GLUD1: variants seen among roughly 807,000 people sequenced by gnomAD.
GLUD1 encodes glutamate dehydrogenase 1, mitochondrial.
Under a neutral mutation model 56.0 loss-of-function variants are expected in GLUD1, and 22 were observed. That is an observed-to-expected ratio of 0.39 (90% CI 0.28 to 0.56). The LOEUF (loss-of-function observed/expected upper bound fraction) is 0.56, where lower values mean the gene tolerates loss of function less well. GLUD1 is among the 20% of genes least tolerant of loss of function. The probability of loss-of-function intolerance (pLI) is 0.58; values close to 1 mark genes in which losing one functional copy is unlikely to be tolerated. For synonymous variants in GLUD1, 223 were observed against 269.9 expected (o/e 0.83, Z 1.70); for missense variants, 451 against 732.0 (o/e 0.62, Z 4.43).
intron 9 of GLUD1, among the ~76,000 whole-genome samples, chr10:87,059,789 C>T (rs949529172): frequency 6.6e-6 from 1 of 152,150 alleles, no homozygotes; most frequent in African/African-American, 2.4e-5. Flanking sequence ...AACCTGAGCA[C>T]GTGTTCCTCA....
At chr10:87,055,808 A>T (rs1273845498) in intron 11 of GLUD1, among the ~76,000 whole-genome samples, 3 of 152,152 alleles carry the variant, frequency 2.0e-5, no homozygotes, top group Non-Finnish European at 2.9e-5. Flanking sequence ...TCCATCACTG[A>T]ATATTTCATA....
At chr10:87,085,324 C>T (rs1314034777) in intron 1 of GLUD1, among the ~76,000 whole-genome samples, 7 of 132,558 alleles carry the variant, frequency 5.3e-5, no homozygotes, top group Non-Finnish European at 9.2e-5. Context: ...TCAGCCTGGG[C>T]GACAGAGAGT....
intron 12 of GLUD1, among the ~76,000 whole-genome samples, chr10:87,052,078 G>T (rs1041588300): frequency 2.6e-5 from 4 of 152,200 alleles, no homozygotes; most frequent in Non-Finnish European, 5.9e-5. Context: ...GGCTGGGTGC[G>T]GTGGCTCACG....
intron 12 of GLUD1, among the ~76,000 whole-genome samples, chr10:87,053,034 A>G (rs1229301059): frequency 6.6e-6 from 1 of 152,208 alleles, no homozygotes; most frequent in Non-Finnish European, 1.5e-5. Flanking sequence ...TCCCGTAGCT[A>G]TAACATAGTG....
chr10:87,064,730 C>T (rs951243089), intron 5 of GLUD1, among the ~76,000 whole-genome samples: 6 of 152,188 alleles, frequency 3.9e-5, no homozygotes, highest in Admixed American at 3.9e-4. Context: ...GTAGTTTTCC[C>T]ACAGTTTGCT....
intron 11 of GLUD1, among the ~76,000 whole-genome samples, chr10:87,056,882 T>A (rs943944545): frequency 5.9e-5 from 9 of 152,174 alleles, no homozygotes; most frequent in African/African-American, 1.7e-4. Context: ...AGGTTAAATT[T>A]TTCCCCCAGG....
At position 87,051,876 on chromosome 10, in the gene GLUD1, A is replaced by G. The variant is rs1845639734; in HGVS notation, c.1558-6T>C. ...ATGGCTGTGCGCATAATTTGCTGAA[A>G]TGAAAGAGAAAATGCAGTGAAGATG... On this transcript the variant is annotated splice_region_variant and splice_polypyrimidine_tract_variant and intron_variant, in intron 12 of 12. Coordinates refer to ENST00000277865, the MANE Select transcript of GLUD1 (RefSeq NM_005271.5). 3 of 1,614,166 alleles carry G rather than the reference A, an allele frequency of 1.9e-6. No individual in the cohort carries two copies. The highest frequency in any genetic ancestry group is 4.5e-5 in the East Asian group (2 of 44,878).
intron 10 of GLUD1, 30 bp downstream of exon 10, chr10:87,059,120 G>A: frequency 1.2e-6 from 2 of 1,611,750 alleles, no homozygotes; most frequent in Non-Finnish European, 1.7e-6. Context: ...CAAAAGATGA[G>A]TTTTGGCGAA....
In GLUD1 at chr10:87,060,771, A is replaced by G. The variant is rs1365971538; in HGVS notation, c.1114T>C (p.Leu372=). The change falls in exon 8 of 13, where the codon TTG becomes CTG. Residue 372 remains leucine (L), a synonymous_variant. Transcript: ENST00000277865. ...ATCAGTATGTCACAGTCGGCCTCCA[A>G]GATGCTTCCTTCATAGGGCTTTGCC... ...PKAKPYEGSI[L]EADCDILIPA... The G allele has an allele frequency of 1.2e-6, 2 of 1,614,190 alleles. No individual in the cohort carries two copies. Among genetic ancestry groups the G allele is most frequent in the Admixed American group, 1.7e-5 (1 of 60,012 alleles).
At chr10:87,061,405 C>A (rs1259274681) in intron 6 of GLUD1, among the ~76,000 whole-genome samples, 5 of 152,008 alleles carry the variant, frequency 3.3e-5, no homozygotes, top group Non-Finnish European at 7.4e-5. Context: ...GTAATCCCAG[C>A]TACTTGGGAG....
rs532011125 is a variant in GLUD1, at chr10:87,051,570, A to G, written c.*181T>C. On this transcript the variant is annotated 3_prime_UTR_variant, in exon 13 of 13. Transcript: ENST00000277865. ...TTCTACTTTCACACTCAGCTTGTACATGATCCGCTAACCTTAATTTCTTTC... is the reference window on the plus strand; with the variant it reads ...TTCTACTTTCACACTCAGCTTGTACGTGATCCGCTAACCTTAATTTCTTTC... 5.3e-6 allele frequency: 4 copies of G among 754,884 alleles called. No homozygotes were observed. The highest frequency in any genetic ancestry group is 1.7e-5 in the African/African-American group (1 of 58,108). 46.8% of individuals were successfully genotyped at this position (754,884 alleles called of 1,614,324 possible).
intron 12 of GLUD1, 33 bp downstream of exon 12, chr10:87,053,309 T>C (rs778607767): frequency 3.4e-6 from 5 of 1,490,396 alleles, no homozygotes; most frequent in Non-Finnish European, 4.7e-6. Context: ...TTCATGTGAC[T>C]AGCTGGAAGG....
intron 11 of GLUD1, among the ~76,000 whole-genome samples, chr10:87,056,397 G>A (rs186883769): frequency 0.015 from 2,332 of 150,884 alleles, 14 homozygotes; most frequent in Non-Finnish European, 0.017. Flanking sequence ...GGGTTCAAGC[G>A]ATTCTCCTGC....
In GLUD1 at chr10:87,094,178, A is replaced by C; in HGVS notation, c.445+147T>G. On this transcript the variant is annotated intron_variant, in intron 1 of 12. Coordinates refer to ENST00000277865, the MANE Select transcript of GLUD1 (RefSeq NM_005271.5). This position sits in a 1 kb window ranked among gnomAD's most constrained non-coding sequence, Gnocchi z 6.6. ...AATCACCATCCACAGAGCCGGCCAC[A>C]TCCGAGGCGGGGTGACCCGGGCGGG... is the stretch of plus-strand genomic sequence containing the variant. The C allele has an allele frequency of 7.2e-7, 1 of 1,390,726 alleles. No individual in the cohort carries two copies. Among genetic ancestry groups the C allele is most frequent in the Non-Finnish European group, 9.5e-7 (1 of 1,047,736 alleles). 86.1% of individuals were successfully genotyped at this position (1,390,726 alleles called of 1,614,324 possible). A position where few individuals can be genotyped will look rare whatever the true frequency, so the allele number is the denominator to read the frequency against.
intron 3 of GLUD1, among the ~76,000 whole-genome samples, chr10:87,075,752 TC>T (rs1219850627): frequency 1.2e-4 from 18 of 152,140 alleles, no homozygotes; most frequent in African/African-American, 4.3e-4. Flanking sequence ...TGAAATCCCC[TC>T]TCTACTAAAA....
chr10:87,078,942 C>T (rs1487451245), intron 1 of GLUD1, among the ~76,000 whole-genome samples: 1 of 152,106 alleles, frequency 6.6e-6, no homozygotes, highest in African/African-American at 2.4e-5. Flanking sequence ...AGTTTGAAAC[C>T]AGCCTGGCCA....
chr10:87,059,278 G>A lies in GLUD1; in HGVS notation c.1279-5C>T. The A allele has an allele frequency of 6.2e-7, 1 of 1,613,098 alleles. No homozygotes were observed. The highest frequency in any genetic ancestry group is 1.1e-5 in the South Asian group (1 of 91,068). ...TCCAGCATTCAAGTAGAGATCCTAT[G>A]CACAAAAATAAGACAAAGAAATTAG... is the stretch of plus-strand genomic sequence containing the variant. On this transcript the variant is annotated splice_region_variant and splice_polypyrimidine_tract_variant and intron_variant, in intron 9 of 12. Transcript: ENST00000277865.
chr10:87,056,292 CTTTTT>C (rs556387150), intron 11 of GLUD1, among the ~76,000 whole-genome samples: 2 of 135,286 alleles, frequency 1.5e-5, no homozygotes, highest in Non-Finnish European at 1.6e-5. Flanking sequence ...TACACCGTTT[CTTTTT>C]TTTTTTTTTT....
At chr10:87,066,104 C>T (rs1846067660) in intron 5 of GLUD1, among the ~76,000 whole-genome samples, 1 of 152,116 alleles carries the variant, frequency 6.6e-6, no homozygotes. Flanking sequence ...TCTCTTGCAC[C>T]GGTAAATCTG....
Sources: allele counts gnomAD v4.1 joint callset (sites outside exome capture counted in the v4.1 genomes callset), GRCh38; gene constraint gnomAD v4.1.1; non-coding constraint Gnocchi (gnomAD v3.1); transcripts MANE v1.5; gene names NCBI Gene and HGNC (gene_info 2026-07-23, HGNC 2026-07-21).